The following LHPP variants were observed in gnomAD, a reference collection of about 807,000 sequenced individuals.
The protein encoded by LHPP is hLHPP.
A neutral mutation model predicts 30.3 loss-of-function variants in LHPP; 24 were observed. The ratio of observed to expected loss-of-function variants is 0.79; its 90% CI spans 0.57 to 1.11. LHPP has a LOEUF of 1.11. LHPP is among the 50% of genes most tolerant of loss of function. The pLI is 0.00. For missense variants in LHPP, 356 were observed against 367.2 expected (o/e 0.97, Z 0.25); for synonymous variants, 150 against 157.1 (o/e 0.95, Z 0.34).
rs1953405389 is a variant in LHPP, at chr10:124,488,398, CTCTG to C, written c.314-20_314-17del. The C allele has an allele frequency of 4.3e-6, 7 of 1,612,638 alleles. No individual in the cohort carries two copies. Among genetic ancestry groups the C allele is most frequent in the Non-Finnish European group, 5.9e-6 (7 of 1,179,442 alleles). On this transcript the variant is annotated intron_variant, in intron 2 of 6. Transcript: ENST00000368842. ...CATGTCCTCCCAGGGCTCCGTGGCA[CTCTG>C]TCTCTCTCTCTCTTTCCAGGAGTCC...
In LHPP at chr10:124,461,906, T is replaced by C; in HGVS notation, c.44T>C (p.Leu15Pro). The C allele has an allele frequency of 3.2e-6, 4 of 1,256,828 alleles. No individual in the cohort carries two copies. Among genetic ancestry groups the C allele is most frequent in the Non-Finnish European group, 4.0e-6 (4 of 997,436 alleles). 77.9% of individuals were successfully genotyped at this position (1,256,828 alleles called of 1,614,324 possible). The change falls in exon 1 of 7, where the codon CTG (leucine) becomes CCG (proline). Residue 15 changes from leucine (L) to proline (P), a missense_variant. Leu to Pro is a moderately conservative substitution (Grantham distance 98). Transcript: ENST00000368842. The stretch of plus-strand genomic sequence containing the variant: ...CGGCTGGCTGGCGTGCGCGGGGTGC[T>C]GCTTGACATCTCGGGCGTGCTGTAC... ...GKRLAGVRGV[L>P]LDISGVLYDS...
At chr10:124,516,247 T>G (rs1040281193) in intron 5 of LHPP, among the ~76,000 whole-genome samples, 1 of 152,228 alleles carries the variant, frequency 6.6e-6, no homozygotes, top group African/African-American at 2.4e-5. Context: ...CTTCTTGCAG[T>G]GTCCTCCCAT....
At chr10:124,607,907 G>A (rs565086315) in intron 6 of LHPP, among the ~76,000 whole-genome samples, 2 of 152,196 alleles carry the variant, frequency 1.3e-5, no homozygotes, top group Non-Finnish European at 2.9e-5. Flanking sequence ...TGGCGGCTGC[G>A]AGCAGTGCTT....
At chr10:124,467,957 G>C (rs560739457) in intron 1 of LHPP, among the ~76,000 whole-genome samples, 2 of 152,034 alleles carry the variant, frequency 1.3e-5, no homozygotes, top group African/African-American at 2.4e-5. Flanking sequence ...TGATCCACTC[G>C]CCTGGGCCTC....
chr10:124,502,942 G>T (rs979978267), intron 5 of LHPP, among the ~76,000 whole-genome samples: 5 of 151,780 alleles, frequency 3.3e-5, no homozygotes, highest in Admixed American at 6.6e-5. Flanking sequence ...CTCCCAAAGT[G>T]CTGGGATTAC....
intron 6 of LHPP, among the ~76,000 whole-genome samples, chr10:124,563,809 G>A (rs148438663): frequency 2.9e-4 from 44 of 152,312 alleles, no homozygotes; most frequent in African/African-American, 9.9e-4. Flanking sequence ...GATGACAGGC[G>A]TTCTTGGTTC....
intron 6 of LHPP, among the ~76,000 whole-genome samples, chr10:124,537,001 A>C (rs986519533): frequency 2.6e-5 from 4 of 152,158 alleles, no homozygotes; most frequent in Non-Finnish European, 5.9e-5. Flanking sequence ...TAAATAATAA[A>C]AGTAACAGCC....
rs79912676 is a variant in LHPP, at chr10:124,579,867, G to A, written c.717-33397G>A. Among the ~76,000 whole-genome samples, 810 of 146,948 alleles carry A rather than the reference G, an allele frequency of 5.5e-3. 8 individuals carry two copies. Among genetic ancestry groups the A allele is most frequent in the African/African-American group, 0.019 (746 of 39,142 alleles). On this transcript the variant is annotated intron_variant, in intron 6 of 6. Coordinates refer to ENST00000368842, the MANE Select transcript of LHPP (RefSeq NM_022126.4). ...CGCTGTTGATGACTCCAAAGTGGACGTGCCATTTCTGTCCCCTCCAGCAGT... is the reference window on the plus strand; with the variant it reads ...CGCTGTTGATGACTCCAAAGTGGACATGCCATTTCTGTCCCCTCCAGCAGT...
intron 6 of LHPP, among the ~76,000 whole-genome samples, chr10:124,579,785 G>C (rs1948720979): frequency 6.6e-6 from 1 of 152,154 alleles, no homozygotes; most frequent in Non-Finnish European, 1.5e-5. Context: ...TGCAAGCTCT[G>C]ATGCAGAAGA....
chr10:124,498,097 C>T lies in LHPP; in HGVS notation c.593C>T (p.Ala198Val), dbSNP rs1477528014. The change falls in exon 5 of 7, where the codon GCC becomes GTC. Residue 198 changes from alanine to valine, a missense_variant. Ala to Val is a moderately conservative substitution (Grantham distance 64). Coordinates refer to ENST00000368842, the MANE Select transcript of LHPP (RefSeq NM_022126.4). Reference protein sequence around the residue: ...GKPSPEFFKSALQAIGVEAHQ... With the variant: ...GKPSPEFFKSVLQAIGVEAHQ... Reference sequence around the variant, plus strand: ...CCTTCTCCTGAGTTTTTCAAGTCTGCCCTGCAAGCGATAGGAGTGGAAGCC... The same window carrying T: ...CCTTCTCCTGAGTTTTTCAAGTCTGTCCTGCAAGCGATAGGAGTGGAAGCC... 1 of 1,614,116 alleles carries T rather than the reference C, an allele frequency of 6.2e-7. No individual in the cohort carries two copies.
intron 6 of LHPP, among the ~76,000 whole-genome samples, chr10:124,530,390 G>A (rs944996671): frequency 5.3e-5 from 8 of 151,996 alleles, no homozygotes; most frequent in Non-Finnish European, 1.0e-4. Context: ...ACACTCACCC[G>A]GGCCCACGTG....
At chr10:124,579,746 T>A (rs1363134988) in intron 6 of LHPP, among the ~76,000 whole-genome samples, 4 of 152,234 alleles carry the variant, frequency 2.6e-5, no homozygotes, top group Non-Finnish European at 5.9e-5. Flanking sequence ...TAACAGATAC[T>A]TAAGTGATTC....
chr10:124,538,938 A>G (rs544239291), intron 6 of LHPP, among the ~76,000 whole-genome samples: 12 of 152,292 alleles, frequency 7.9e-5, no homozygotes, highest in Admixed American at 7.8e-4. Flanking sequence ...CTGACATTTC[A>G]AGGCCCTTCA....
chr10:124,571,017 C>T (rs531601520), intron 6 of LHPP, among the ~76,000 whole-genome samples: 17 of 152,330 alleles, frequency 1.1e-4, no homozygotes, highest in Admixed American at 8.5e-4. Flanking sequence ...GTGAATTAGT[C>T]TCACAAGATC....
intron 6 of LHPP, among the ~76,000 whole-genome samples, chr10:124,604,637 C>T (rs1949069357): frequency 6.6e-6 from 1 of 152,184 alleles, no homozygotes; most frequent in Non-Finnish European, 1.5e-5. Flanking sequence ...AAGGATGCCC[C>T]TTGCCCGGCC....
At chr10:124,479,216 C>T (rs1267445200) in intron 1 of LHPP, among the ~76,000 whole-genome samples, 1 of 152,146 alleles carries the variant, frequency 6.6e-6, no homozygotes, top group African/African-American at 2.4e-5. Context: ...TGCAGAAGGC[C>T]CCTTTCCCCA....
At position 124,601,910 on chromosome 10, in the gene LHPP, G is replaced by A. The variant is rs541563209; in HGVS notation, c.717-11354G>A. Among the ~76,000 whole-genome samples the A allele has an allele frequency of 5.3e-4, 81 of 152,300 alleles. 2 individuals carry two copies. The highest frequency in any genetic ancestry group is 4.5e-3 in the Admixed American group (69 of 15,292). On this transcript the variant is annotated intron_variant, in intron 6 of 6. Transcript: ENST00000368842. ...GTGGAGCACCAGCCATGGGGAGGCCGTGGGCTACCAGGCCCTGCGTGCACT... is the reference window on the plus strand; with the variant it reads ...GTGGAGCACCAGCCATGGGGAGGCCATGGGCTACCAGGCCCTGCGTGCACT...
In LHPP at chr10:124,523,691, G is replaced by A. The variant is rs915295272; in HGVS notation, c.716+6420G>A. 6.6e-6 allele frequency among the ~76,000 whole-genome samples: 1 copy of A among 152,230 alleles called. No individual in the cohort carries two copies. Among genetic ancestry groups the A allele is most frequent in the African/African-American group, 2.4e-5 (1 of 41,458 alleles). On this transcript the variant is annotated intron_variant, in intron 6 of 6. Coordinates refer to ENST00000368842, the MANE Select transcript of LHPP (RefSeq NM_022126.4). The surrounding 1 kb of genome is among the most constrained non-coding windows in gnomAD (Gnocchi z 4.2). ...GTGGTGGCCCTGGTCAGCCTTCCAG[G>A]AGTCAGGACCCTCCTGCTGCCCTCC...
At chr10:124,464,243 T>G (rs1038348364) in intron 1 of LHPP, among the ~76,000 whole-genome samples, 1 of 152,204 alleles carries the variant, frequency 6.6e-6, no homozygotes, top group African/African-American at 2.4e-5. Flanking sequence ...CTGCCAGGAC[T>G]TGGCCTCCCG....
Sources: allele counts gnomAD v4.1 joint callset (sites outside exome capture counted in the v4.1 genomes callset), GRCh38; gene constraint gnomAD v4.1.1; non-coding constraint Gnocchi (gnomAD v3.1); transcripts MANE v1.5; gene names NCBI Gene and HGNC (gene_info 2026-07-23, HGNC 2026-07-21).